Variants in FAM78B observed in about 807,000 individuals in gnomAD.
FAM78B encodes protein FAM78B.
Under a neutral mutation model 20.0 loss-of-function variants are expected in FAM78B, and 10 were observed. The ratio of observed to expected loss-of-function variants is 0.50; its 90% CI spans 0.31 to 0.85. The LOEUF (loss-of-function observed/expected upper bound fraction) is 0.85, where lower values mean the gene tolerates loss of function less well. FAM78B is among the 40% of genes least tolerant of loss of function. The pLI is 0.05. For synonymous variants in FAM78B, 135 were observed against 132.8 expected (o/e 1.02, Z -0.12); for missense variants, 283 against 345.0 (o/e 0.82, Z 1.42).
chr1:166,125,533 T>C (rs552486343), intron 1 of FAM78B, among the ~76,000 whole-genome samples: 15 of 152,322 alleles, frequency 9.8e-5, no homozygotes, highest in East Asian at 3.9e-4. Context: ...AAGCCTTTTA[T>C]TGAGTCCTTC....
intron 1 of FAM78B, among the ~76,000 whole-genome samples, chr1:166,076,333 T>C (rs1391072377): frequency 1.3e-5 from 2 of 152,194 alleles, no homozygotes; most frequent in Admixed American, 6.5e-5. Context: ...GTGCTGTTCA[T>C]TGAACATGCC....
At chr1:166,057,170 G>A (rs555841156), downstream of FAM78B, among the ~76,000 whole-genome samples, 2 of 152,330 alleles carry the variant, frequency 1.3e-5, no homozygotes, top group African/African-American at 4.8e-5. Flanking sequence ...AGCCCAAAGC[G>A]TGTCATTAGG....
At chr1:166,105,479 A>G (rs1015647331) in intron 1 of FAM78B, among the ~76,000 whole-genome samples, 1 of 152,192 alleles carries the variant, frequency 6.6e-6, no homozygotes, top group Admixed American at 6.5e-5. Flanking sequence ...TAATATCCAG[A>G]ATCTACAATG....
intron 1 of FAM78B, among the ~76,000 whole-genome samples, chr1:166,084,660 C>A (rs989551778): frequency 2.8e-4 from 43 of 152,332 alleles, no homozygotes; most frequent in African/African-American, 1.0e-3. Flanking sequence ...CTTCCCTGCA[C>A]CTGGGTCCAC....
intron 1 of FAM78B, among the ~76,000 whole-genome samples, chr1:166,157,335 G>C (rs12406386): frequency 0.045 from 6,791 of 151,452 alleles, 341 homozygotes; most frequent in Admixed American, 0.14. Context: ...TTCCTAATCC[G>C]TATGGCATTA....
intron 1 of FAM78B, among the ~76,000 whole-genome samples, chr1:166,114,462 A>G (rs1452722156): frequency 1.3e-5 from 2 of 152,234 alleles, no homozygotes; most frequent in East Asian, 3.9e-4. Flanking sequence ...TTCTGTGTGA[A>G]TACTGAATAC....
chr1:166,057,003 G>C (rs1380328306), downstream of FAM78B, among the ~76,000 whole-genome samples: 1 of 152,186 alleles, frequency 6.6e-6, no homozygotes, highest in Non-Finnish European at 1.5e-5. Flanking sequence ...GCTGGAAGGT[G>C]CCAAGTACGA....
At chr1:166,107,899 ATCATT>A (rs919208557) in intron 1 of FAM78B, among the ~76,000 whole-genome samples, 6 of 152,228 alleles carry the variant, frequency 3.9e-5, no homozygotes, top group African/African-American at 1.4e-4. Context: ...AAATCACATG[ATCATT>A]TCAACAGCTG....
At chr1:166,087,986 C>T (rs1166403800) in intron 1 of FAM78B, among the ~76,000 whole-genome samples, 2 of 152,160 alleles carry the variant, frequency 1.3e-5, no homozygotes. Flanking sequence ...CTTGTGTCTG[C>T]TGCTTTTACC....
chr1:166,056,465 C>A (rs1159089115), downstream of FAM78B, among the ~76,000 whole-genome samples: 1 of 152,102 alleles, frequency 6.6e-6, no homozygotes, highest in Admixed American at 6.6e-5. Context: ...CTGTCAACCT[C>A]CATAGTTTTC....
chr1:166,062,765 C>T (rs915452793), intron 2 of FAM78B, among the ~76,000 whole-genome samples: 5 of 152,204 alleles, frequency 3.3e-5, no homozygotes, highest in Non-Finnish European at 7.3e-5. Flanking sequence ...GCTTTCAAAG[C>T]CCAGTTTAAT....
intron 1 of FAM78B, among the ~76,000 whole-genome samples, chr1:166,158,616 C>A (rs1280316502): frequency 6.6e-6 from 1 of 152,202 alleles, no homozygotes; most frequent in Non-Finnish European, 1.5e-5. Context: ...TCGATCTGGA[C>A]AACTCTCCTG....
intron 1 of FAM78B, among the ~76,000 whole-genome samples, chr1:166,147,209 TGTGTGTGTG>T (rs957521357): frequency 1.5e-4 from 23 of 152,120 alleles, no homozygotes; most frequent in Non-Finnish European, 2.5e-4. Context: ...AAAGGCTGGT[TGTGTGTGTG>T]GTGAGCACAG....
downstream of FAM78B, among the ~76,000 whole-genome samples, chr1:166,067,203 T>G (rs558209872): frequency 6.6e-6 from 1 of 151,850 alleles, no homozygotes; most frequent in Non-Finnish European, 1.5e-5. Context: ...GAGATGAAAT[T>G]TGGGAGATGG....
At chr1:166,123,762 A>T (rs925183580) in intron 1 of FAM78B, among the ~76,000 whole-genome samples, 2 of 152,174 alleles carry the variant, frequency 1.3e-5, no homozygotes, top group African/African-American at 4.8e-5. Flanking sequence ...GGTGAGGAAG[A>T]GGTGTTTAGA....
intron 1 of FAM78B, among the ~76,000 whole-genome samples, chr1:166,156,450 G>T (rs1266666227): frequency 6.6e-6 from 1 of 152,174 alleles, no homozygotes; most frequent in African/African-American, 2.4e-5. Context: ...ACTCAGTATG[G>T]AGGGCACTGG....
Position 166,109,820 on chromosome 1 carries a change from A to ATG in FAM78B, c.264-39058_264-39057insCA, listed in dbSNP as rs1434884373. On this transcript the variant is annotated intron_variant, in intron 1 of 1. Coordinates refer to ENST00000354422, the MANE Select transcript of FAM78B (RefSeq NM_001017961.5). ...GTGATATATATGTATATATGTATAT[A>ATG]TATATATATATGTATATATGTATAT... Among the ~76,000 whole-genome samples the ATG allele has an allele frequency of 3.6e-3, 67 of 18,486 alleles. 2 individuals carry two copies. Among genetic ancestry groups the ATG allele is most frequent in the African/African-American group, 0.013 (64 of 4,922 alleles). The allele number at this position is 18,486 out of a possible 152,430, so 12.1% of individuals were successfully genotyped here.
intron 2 of FAM78B, among the ~76,000 whole-genome samples, chr1:166,062,697 T>C (rs910614003): frequency 6.6e-6 from 1 of 152,250 alleles, no homozygotes; most frequent in African/African-American, 2.4e-5. Flanking sequence ...AGTAATAGCT[T>C]TCCATAGTTT....
downstream of FAM78B, among the ~76,000 whole-genome samples, chr1:166,067,367 G>A (rs990146378): frequency 9.2e-5 from 14 of 152,030 alleles, no homozygotes; most frequent in African/African-American, 3.1e-4. Context: ...TTTTTCCTAC[G>A]TAATTCAAAA....
Sources: gnomAD v4.1 joint callset for allele counts (sites outside exome capture counted in the v4.1 genomes callset) on GRCh38, gnomAD v4.1.1 for gene constraint, MANE v1.5 for transcripts, NCBI Gene and HGNC (gene_info 2026-07-23, HGNC 2026-07-21) for gene names.